Variants in KTN1 observed in about 807,000 individuals in gnomAD.
The protein encoded by KTN1 is kinectin.
Under a neutral mutation model 222.5 loss-of-function variants are expected in KTN1, and 130 were observed. The observed-to-expected ratio is 0.58, with a 90% CI of 0.51 to 0.68. The LOEUF (loss-of-function observed/expected upper bound fraction) is 0.68, where lower values mean the gene tolerates loss of function less well. Among genes scored for constraint, KTN1 ranks in the 30% least tolerant of loss-of-function variants. The pLI is 0.00. For missense variants in KTN1, 1,508 were observed against 1,500.4 expected (o/e 1.01, Z -0.08); for synonymous variants, 512 against 496.3 (o/e 1.03, Z -0.42).
intron 15 of KTN1, 62 bp from the exon 16 acceptor site, chr14:55,640,871 A>G: frequency 3.6e-6 from 5 of 1,371,636 alleles, no homozygotes; most frequent in South Asian, 1.2e-5. Context: ...AAAATTAGTG[A>G]AAAAAATAGT....
chr14:55,598,043 G>C lies in KTN1; in HGVS notation c.-30-13976G>C, dbSNP rs2035333907. ...AGCTTGGAGTAATTGAGGGGCCAGA[G>C]AGGGAAAACTCTTTGCTAGCACTCT... On this transcript the variant is annotated intron_variant, in intron 1 of 43. Coordinates refer to ENST00000395314, the MANE Select transcript of KTN1 (RefSeq NM_001079521.2). 2.6e-5 allele frequency among the ~76,000 whole-genome samples: 4 copies of C among 152,282 alleles called. No homozygotes were observed. The South Asian group carries it at 8.3e-4, about 32-fold the overall frequency.
chr14:55,634,564 C>G lies in KTN1; in HGVS notation c.1367C>G (p.Ala456Gly), dbSNP rs537530290. 1.9e-6 allele frequency: 3 copies of G among 1,613,708 alleles called. No individual in the cohort carries two copies. Among genetic ancestry groups the G allele is most frequent in the Non-Finnish European group, 1.7e-6 (2 of 1,179,820 alleles). The change falls in exon 9 of 44, where the codon GCT becomes GGT. Residue 456 changes from alanine to glycine, a missense_variant. Coordinates refer to ENST00000395314, the MANE Select transcript of KTN1 (RefSeq NM_001079521.2). The stretch of plus-strand genomic sequence containing the variant: ...CTAAATAAACTACGCCAGGATTATG[C>G]TAGGTTGGTGAATGAGCTGACTGAG... ...AELNKLRQDY[A>G]RLVNELTEKT...
At chr14:55,649,336 G>A (rs1264809876) in intron 21 of KTN1, among the ~76,000 whole-genome samples, 1 of 148,506 alleles carries the variant, frequency 6.7e-6, no homozygotes, top group Non-Finnish European at 1.5e-5. Context: ...ATGATAATCA[G>A]TAATAGAGGC....
In KTN1 at chr14:55,653,020, C is replaced by A; in HGVS notation, c.2698C>A (p.Leu900Ile). The change falls in exon 27 of 44, where the codon CTT becomes ATT. Residue 900 changes from leucine to isoleucine, a missense_variant. Physicochemically the swap from Leu to Ile is conservative, Grantham distance 5. Transcript: ENST00000395314. ...ATTTACACCTATTCTTTTTAAGGAT[C>A]TTCAAGAAGAAAATGAATCTTTAAA... ...LANTGKWLQD[L>I]QEENESLKAH... is the part of the protein sequence containing the mutation. 2 of 1,602,034 alleles carry A rather than the reference C, an allele frequency of 1.2e-6. No homozygotes were observed. Among genetic ancestry groups the A allele is most frequent in the Non-Finnish European group, 1.7e-6 (2 of 1,169,884 alleles).
At chr14:55,661,823 T>C (rs1330191382) in intron 32 of KTN1, 2 of 339,590 alleles carry the variant, frequency 5.9e-6, no homozygotes, top group Non-Finnish European at 1.1e-5. Flanking sequence ...CTTATTCTTA[T>C]AAATATTTAA....
chr14:55,671,531 AATT>A (rs1263674721), intron 35 of KTN1, 32 bp from the exon 36 acceptor site: 1 of 1,497,542 alleles, frequency 6.7e-7, no homozygotes, highest in Non-Finnish European at 9.2e-7. Flanking sequence ...TTTCTGGTAG[AATT>A]ATGGAGTTTT....
chr14:55,654,420 C>G (rs2141151462), intron 28 of KTN1, among the ~76,000 whole-genome samples: 1 of 152,204 alleles, frequency 6.6e-6, no homozygotes, highest in African/African-American at 2.4e-5. Flanking sequence ...TATGGTGTAA[C>G]TGTCGAGGTG....
intron 22 of KTN1, among the ~76,000 whole-genome samples, 160 bp from the exon 23 acceptor site, chr14:55,650,168 C>G (rs1328274151): frequency 6.6e-6 from 1 of 151,940 alleles, no homozygotes; most frequent in Non-Finnish European, 1.5e-5. Context: ...TTAGGAGGAG[C>G]TTTATGTTCA....
chr14:55,639,624 A>G (rs1221091972), intron 13 of KTN1, among the ~76,000 whole-genome samples: 8 of 151,774 alleles, frequency 5.3e-5, no homozygotes, highest in Admixed American at 5.3e-4. Context: ...TGTGCCGTAT[A>G]ATTTTGCATG....
chr14:55,623,665 C>T (rs1423123618), intron 5 of KTN1, among the ~76,000 whole-genome samples: 1 of 152,232 alleles, frequency 6.6e-6, no homozygotes, highest in Non-Finnish European at 1.5e-5. Flanking sequence ...GCCACGGCTC[C>T]TAGCCTTGAT....
chr14:55,625,618 G>T (rs1280758020), intron 5 of KTN1, among the ~76,000 whole-genome samples: 9 of 152,028 alleles, frequency 5.9e-5, no homozygotes, highest in Non-Finnish European at 1.0e-4. Context: ...TTTTGTCATA[G>T]CTTCTTTATT....
chr14:55,606,153 C>T (rs142686551), intron 1 of KTN1, among the ~76,000 whole-genome samples: 83 of 152,070 alleles, frequency 5.5e-4, no homozygotes, highest in South Asian at 4.6e-3. Context: ...CAGCTTAGGC[C>T]TCACAGCTAC....
intron 1 of KTN1, among the ~76,000 whole-genome samples, chr14:55,581,893 C>CTTT (rs199963122): frequency 6.9e-6 from 1 of 144,018 alleles, no homozygotes. Context: ...AAAAAAGGCT[C>CTTT]TTTTTTTTTT....
intron 19 of KTN1, among the ~76,000 whole-genome samples, chr14:55,647,360 C>T (rs1403361621): frequency 1.3e-5 from 2 of 152,016 alleles, no homozygotes; most frequent in Non-Finnish European, 2.9e-5. Context: ...AACTGCTGGG[C>T]GTGGTGGCTC....
intron 17 of KTN1, among the ~76,000 whole-genome samples, 181 bp from the exon 18 acceptor site, chr14:55,641,511 A>G (rs546002805): frequency 5.9e-5 from 9 of 152,234 alleles, no homozygotes; most frequent in African/African-American, 1.9e-4. Flanking sequence ...GTCATGGCCA[A>G]CCAAGTGCTA....
intron 1 of KTN1, among the ~76,000 whole-genome samples, chr14:55,605,192 A>C (rs1164851869): frequency 6.6e-6 from 1 of 152,068 alleles, no homozygotes. Context: ...AAATTGATTT[A>C]TTGTCATTAG....
chr14:55,637,417 G>C, intron 11 of KTN1, 53 bp downstream of exon 11: 1 of 1,248,208 alleles, frequency 8.0e-7, no homozygotes, highest in Non-Finnish European at 1.1e-6. Context: ...TCACTTATTA[G>C]ATCTGTGTGT....
intron 1 of KTN1, among the ~76,000 whole-genome samples, chr14:55,597,086 A>G (rs1168636792): frequency 6.6e-6 from 1 of 152,188 alleles, no homozygotes; most frequent in Non-Finnish European, 1.5e-5. Flanking sequence ...CAAAGGGAAG[A>G]ACTCACAAGG....
chr14:55,643,515 T>C (rs965662768), intron 18 of KTN1, among the ~76,000 whole-genome samples: 2 of 152,176 alleles, frequency 1.3e-5, no homozygotes, highest in Admixed American at 1.3e-4. Flanking sequence ...ATTTTTGAAA[T>C]GCTGATAACC....
Sources: gnomAD v4.1 joint callset for allele counts (sites outside exome capture counted in the v4.1 genomes callset) on GRCh38, gnomAD v4.1.1 for gene constraint, MANE v1.5 for transcripts, NCBI Gene and HGNC (gene_info 2026-07-23, HGNC 2026-07-21) for gene names.